The following HK1 variants were observed in gnomAD, a reference collection of about 807,000 sequenced individuals.
HK1 encodes hexokinase 1, also known as hexokinase-1.
A neutral mutation model predicts 91.6 loss-of-function variants in HK1; 28 were observed. The observed-to-expected ratio is 0.31, with a 90% CI of 0.23 to 0.42. HK1 has a LOEUF of 0.42. HK1 is among the 10% of genes least tolerant of loss of function. HK1 has a pLI of 1.00. For synonymous variants in HK1, 430 were observed against 468.1 expected (o/e 0.92, Z 1.05); for missense variants, 770 against 1,219.8 (o/e 0.63, Z 5.49).
chr10:69,389,483 G>A, intron 14 of HK1, 187 bp downstream of exon 14: 2 of 624,880 alleles, frequency 3.2e-6, no homozygotes, highest in Non-Finnish European at 6.0e-6. Flanking sequence ...GGGAGGTGGG[G>A]GGGCCTTTCT....
intron 2 of HK1, among the ~76,000 whole-genome samples, chr10:69,352,552 G>A (rs1368546822): frequency 6.6e-6 from 1 of 152,130 alleles, no homozygotes; most frequent in Non-Finnish European, 1.5e-5. Flanking sequence ...AAGGAATGAG[G>A]TACTGATCCA....
intron 3 of HK1, among the ~76,000 whole-genome samples, chr10:69,360,319 C>T (rs1004269289): frequency 2.6e-5 from 4 of 152,196 alleles, no homozygotes; most frequent in Admixed American, 1.3e-4. Context: ...GAGGGAGGCT[C>T]CGCAGCTCTG....
intron 13 of HK1, 34 bp downstream of exon 13, chr10:69,386,452 A>G: frequency 6.5e-7 from 1 of 1,529,338 alleles, no homozygotes; most frequent in Non-Finnish European, 9.0e-7. Context: ...TAAAATCTTT[A>G]CTGTTTTAGG....
intron 4 of HK1, among the ~76,000 whole-genome samples, chr10:69,365,635 TGGGAGGCCGAA>T (rs1849661448): frequency 1.3e-5 from 2 of 152,188 alleles, no homozygotes; most frequent in Admixed American, 6.5e-5. Context: ...CCCAGCACTT[TGGGAGGCCGAA>T]GCAGAAGGAT....
chr10:69,300,536 A>T, intron 4 of HK1: 1 of 706,660 alleles, frequency 1.4e-6, no homozygotes, highest in South Asian at 1.5e-5. Flanking sequence ...AACTGGCCAG[A>T]TGGAAGCAGA....
intron 1 of HK1, among the ~76,000 whole-genome samples, chr10:69,276,813 T>C (rs1271221109): frequency 1.3e-5 from 2 of 149,736 alleles, no homozygotes; most frequent in Non-Finnish European, 3.0e-5. Context: ...TAATTACATA[T>C]AATAGGATAT....
intron 10 of HK1, 44 bp from the exon 11 acceptor site, chr10:69,384,289 C>T (rs1371055209): frequency 6.2e-7 from 1 of 1,613,418 alleles, no homozygotes; most frequent in African/African-American, 1.3e-5. Flanking sequence ...TGCCAAGAGG[C>T]ACTTAGCTGT....
intron 3 of HK1, among the ~76,000 whole-genome samples, chr10:69,294,148 A>C (rs962520355): frequency 6.6e-6 from 1 of 152,002 alleles, no homozygotes; most frequent in Non-Finnish European, 1.5e-5. Flanking sequence ...GGCGTGAGCC[A>C]CCGCGCCCGG....
chr10:69,278,420 T>G (rs933914813), intron 1 of HK1: 2 of 152,248 alleles, frequency 1.3e-5, no homozygotes, highest in African/African-American at 4.8e-5. Flanking sequence ...GAAAGTACTA[T>G]GGATCAAATT....
intron 1 of HK1, among the ~76,000 whole-genome samples, chr10:69,343,105 C>G (rs1848373424): frequency 6.6e-6 from 1 of 152,158 alleles, no homozygotes; most frequent in Admixed American, 6.5e-5. Flanking sequence ...CAGGGGCTGT[C>G]TCCATTCATT....
intron 8 of HK1, among the ~76,000 whole-genome samples, chr10:69,377,349 C>T (rs1839167139): frequency 6.6e-6 from 1 of 152,086 alleles, no homozygotes; most frequent in South Asian, 2.1e-4. Flanking sequence ...GCAGCCTCCT[C>T]TCCCACCCCC....
chr10:69,309,013 CTA>C lies in HK1; in HGVS notation c.27+8153_27+8154del, dbSNP rs1268255847. On this transcript the variant is annotated intron_variant, in intron 5 of 21. Coordinates refer to the HK1 transcript ENST00000360289. ...ATTATAGGATATGAAAATCATACAC[CTA>C]AAAAAGATCCTGGTCTGGCATGGTG... Among the ~76,000 whole-genome samples, 17 of 152,154 alleles carry C rather than the reference CTA, an allele frequency of 1.1e-4. No individual in the cohort carries two copies. The South Asian group carries it at 2.9e-3, about 26-fold the overall frequency.
intron 2 of HK1, among the ~76,000 whole-genome samples, chr10:69,356,450 CA>C (rs1849130993): frequency 6.6e-6 from 1 of 151,782 alleles, no homozygotes; most frequent in Non-Finnish European, 1.5e-5. Context: ...CAACAACAAA[CA>C]TAAAATGTTA....
rs370988432 is a variant in HK1 at position 69,366,119 on chromosome 10, C to T, written c.495+1217C>T. Among the ~76,000 whole-genome samples the T allele has an allele frequency of 1.2e-3, 188 of 152,300 alleles. No homozygotes were observed. In the Middle Eastern group the frequency reaches 0.027, roughly 22 times the overall value. ...GTGCTGGGATTACAGACGTGAGCCA[C>T]TGCACCTGGCCAGGCTCTGTTTTAA... On this transcript the variant is annotated intron_variant, in intron 4 of 17. Coordinates refer to ENST00000359426, the MANE Select transcript of HK1 (RefSeq NM_000188.3).
At chr10:69,342,294 A>C (rs941534300) in intron 1 of HK1, among the ~76,000 whole-genome samples, 1 of 152,184 alleles carries the variant, frequency 6.6e-6, no homozygotes, top group African/African-American at 2.4e-5. Context: ...GCTCCATGTG[A>C]GGCACTGGGG....
chr10:69,308,472 G>A (rs189528609), intron 5 of HK1, among the ~76,000 whole-genome samples: 3 of 152,118 alleles, frequency 2.0e-5, no homozygotes, highest in Admixed American at 6.6e-5. Context: ...GAGCAAGCAG[G>A]GGGTATGTGA....
chr10:69,296,536 A>G (rs1845571371), intron 4 of HK1, among the ~76,000 whole-genome samples: 1 of 152,218 alleles, frequency 6.6e-6, no homozygotes, highest in South Asian at 2.1e-4. Flanking sequence ...TTCAAAAGAG[A>G]AAGTTACAAC....
chr10:69,370,524 AT>A, intron 7 of HK1, among the ~76,000 whole-genome samples: 1 of 152,212 alleles, frequency 6.6e-6, no homozygotes, highest in East Asian at 1.9e-4. Context: ...TCTAAGGGAG[AT>A]GAGTGTCCAT....
chr10:69,395,855 C>T (rs1840110537), intron 16 of HK1, among the ~76,000 whole-genome samples: 1 of 152,190 alleles, frequency 6.6e-6, no homozygotes, highest in Admixed American at 6.5e-5. Flanking sequence ...GGGTACATTT[C>T]TTCCTGGCCT....
Sources: gnomAD v4.1 joint callset for allele counts (sites outside exome capture counted in the v4.1 genomes callset) on GRCh38, gnomAD v4.1.1 for gene constraint, MANE v1.5 for transcripts, NCBI Gene and HGNC (gene_info 2026-07-23, HGNC 2026-07-21) for gene names.